NCK1: variants seen among roughly 807,000 people sequenced by gnomAD.
NCK1 encodes the protein SH2/SH3 adapter protein NCK1.
A neutral mutation model predicts 36.6 loss-of-function variants in NCK1; 19 were observed. The ratio of observed to expected loss-of-function variants is 0.52; its 90% CI spans 0.36 to 0.76. The LOEUF (loss-of-function observed/expected upper bound fraction) is 0.76, where lower values mean the gene tolerates loss of function less well. NCK1 is among the 30% of genes least tolerant of loss of function. The probability of loss-of-function intolerance (pLI) is 0.00; values close to 1 mark genes in which losing one functional copy is unlikely to be tolerated. For missense variants in NCK1, 358 were observed against 445.6 expected, an observed-to-expected ratio of 0.80 and a Z score of 1.77; for synonymous variants, 165 against 156.0, an observed-to-expected ratio of 1.06 and a Z score of -0.43.
rs962127631 is a variant in NCK1 at position 136,948,873 on chromosome 3, A to C, written c.*420A>C. The C allele has an allele frequency of 6.6e-6, 1 of 152,450 alleles. No homozygotes were observed. The highest frequency in any genetic ancestry group is 1.5e-5 in the Non-Finnish European group (1 of 67,942). The allele number at this position is 152,450 out of a possible 1,614,324, so 9.4% of individuals were successfully genotyped here. On this transcript the variant is annotated 3_prime_UTR_variant, in exon 4 of 4. Coordinates refer to ENST00000481752, the MANE Select transcript of NCK1 (RefSeq NM_001291999.2). Reference sequence around the variant, plus strand: ...ATTATATCTATATATGACATATGCTAAAATTTCTTGGAGAGTGTTAATCTT... The same window carrying C: ...ATTATATCTATATATGACATATGCTCAAATTTCTTGGAGAGTGTTAATCTT...
Position 136,948,274 on chromosome 3 carries a change from G to C in NCK1, c.955G>C (p.Val319Leu). The change falls in exon 4 of 4, where the codon GTA becomes CTA. Residue 319 changes from valine (V) to leucine (L), a missense_variant. By Grantham distance (32) the Val-to-Leu change is conservative (BLOSUM62 1). Transcript: ENST00000481752. ...DSESSPNDFS[V>L]SLKAQGKNKH... ...TCTCTTTTAGCCAAATGATTTCTCAGTATCACTAAAAGCACAAGGGAAAAA... is the reference window on the plus strand; with the variant it reads ...TCTCTTTTAGCCAAATGATTTCTCACTATCACTAAAAGCACAAGGGAAAAA... The C allele has an allele frequency of 6.3e-7, 1 of 1,593,782 alleles. No individual in the cohort carries two copies. The highest frequency in any genetic ancestry group is 8.5e-7 in the Non-Finnish European group (1 of 1,171,852).
At chr3:136,868,431 G>T (rs994656420) in intron 1 of NCK1, among the ~76,000 whole-genome samples, 3 of 151,456 alleles carry the variant, frequency 2.0e-5, no homozygotes, top group African/African-American at 7.3e-5. Context: ...AGGTTCAAGG[G>T]ATTCTCCTGC....
At chr3:136,867,405 A>ATTTTTTTTTTTTTTTTTTTTTTTTTTTTT (rs34322362) in intron 1 of NCK1, 2 of 101,590 alleles carry the variant, frequency 2.0e-5, no homozygotes, top group Non-Finnish European at 3.6e-5. Flanking sequence ...TGTCTGGCTA[A>ATTTTTTTTTTTTTTTTTTTTTTTTTTTTT]TTTTTTTTTT....
intron 2 of NCK1, among the ~76,000 whole-genome samples, chr3:136,930,766 G>A (rs751892472): frequency 1.3e-5 from 2 of 152,102 alleles, no homozygotes; most frequent in Non-Finnish European, 2.9e-5. Context: ...TTGTAGTTTC[G>A]ACTTGGTAAG....
chr3:136,909,068 C>T (rs371098026), intron 1 of NCK1, among the ~76,000 whole-genome samples: 4 of 152,160 alleles, frequency 2.6e-5, no homozygotes, highest in Non-Finnish European at 5.9e-5. Context: ...GTAGGAAGGC[C>T]TTCACCAGAT....
chr3:136,925,459 A>T (rs1030758659), intron 1 of NCK1, among the ~76,000 whole-genome samples: 1 of 152,216 alleles, frequency 6.6e-6, no homozygotes, highest in Non-Finnish European at 1.5e-5. Context: ...ATAGTACAAT[A>T]TCACAATAAT....
chr3:136,878,716 T>C (rs75608933), intron 1 of NCK1, among the ~76,000 whole-genome samples: 103,523 of 151,920 alleles, frequency 0.68, 35,589 homozygotes, highest in East Asian at 0.87. Context: ...GCTATTTTTT[T>C]TTAAGAAAGG....
chr3:136,865,941 TGG>T (rs747101307), intron 1 of NCK1, among the ~76,000 whole-genome samples: 7 of 152,218 alleles, frequency 4.6e-5, no homozygotes, highest in Non-Finnish European at 1.0e-4. Flanking sequence ...GTAACAATAT[TGG>T]CTGATTTTTG....
At chr3:136,902,198 T>TTTTTTTTTTTTTTTTTTTTTG (rs1939561830) in intron 1 of NCK1, among the ~76,000 whole-genome samples, 9 of 131,526 alleles carry the variant, frequency 6.8e-5, no homozygotes, top group East Asian at 2.3e-4. Context: ...TTTTTTTTTT[T>TTTTTTTTTTTTTTTTTTTTTG]TTTTGTTTTT....
chr3:136,942,669 C>T (rs1000651530), intron 2 of NCK1, among the ~76,000 whole-genome samples: 1 of 152,148 alleles, frequency 6.6e-6, no homozygotes, highest in African/African-American at 2.4e-5. Flanking sequence ...CCTGAATGTG[C>T]ATCCAGCCCT....
chr3:136,889,566 G>A (rs1939177429), intron 1 of NCK1, among the ~76,000 whole-genome samples: 1 of 152,058 alleles, frequency 6.6e-6, no homozygotes, highest in Non-Finnish European at 1.5e-5. Flanking sequence ...GCTGGCTCGG[G>A]CAGCCTGCTT....
intron 1 of NCK1, among the ~76,000 whole-genome samples, chr3:136,912,862 A>G (rs970674192): frequency 6.7e-5 from 6 of 89,578 alleles, no homozygotes; most frequent in Admixed American, 1.4e-4. Flanking sequence ...CTGTTTCCCA[A>G]ACTGGTCTTG....
At chr3:136,927,216 C>A (rs917104899) in intron 1 of NCK1, among the ~76,000 whole-genome samples, 2 of 152,160 alleles carry the variant, frequency 1.3e-5, no homozygotes, top group African/African-American at 2.4e-5. Flanking sequence ...AGGTGATCCA[C>A]CAGCCTCGGC....
chr3:136,890,517 A>G (rs1052541093), intron 1 of NCK1, among the ~76,000 whole-genome samples: 1 of 152,246 alleles, frequency 6.6e-6, no homozygotes, highest in Non-Finnish European at 1.5e-5. Context: ...AGGAGGTGCC[A>G]AGAGCGAGCG....
At chr3:136,944,417 C>T (rs772974121) in intron 2 of NCK1, among the ~76,000 whole-genome samples, 2 of 151,744 alleles carry the variant, frequency 1.3e-5, no homozygotes, top group Admixed American at 6.6e-5. Context: ...CGTGCCCAGC[C>T]GGGAAAGACA....
chr3:136,899,277 G>T, intron 1 of NCK1: 1 of 251,956 alleles, frequency 4.0e-6, no homozygotes, highest in Non-Finnish European at 8.2e-6. Context: ...GGCATCTGAA[G>T]AAAGATAAAT....
intron 1 of NCK1, among the ~76,000 whole-genome samples, chr3:136,873,139 G>T (rs1938675169): frequency 6.6e-6 from 1 of 152,158 alleles, no homozygotes; most frequent in African/African-American, 2.4e-5. Context: ...TGGAAAAGCT[G>T]CAGACACTCA....
intron 1 of NCK1, among the ~76,000 whole-genome samples, chr3:136,913,406 C>T (rs1939878752): frequency 6.6e-6 from 1 of 151,962 alleles, no homozygotes; most frequent in Non-Finnish European, 1.5e-5. Flanking sequence ...GGAGCTGGGA[C>T]TGCAAGTGTG....
chr3:136,945,988 T>G lies in NCK1; in HGVS notation c.632T>G (p.Phe211Cys). Residue 211 changes from phenylalanine (F) to cysteine (C), a missense_variant, in exon 3 of 4, where the codon TTC becomes TGC. Physicochemically the swap from Phe to Cys is radical, Grantham distance 205. This residue lies in a region of NCK1 where 207 missense variants were observed against 253.4 expected (regional missense o/e 0.82). Transcript: ENST00000481752. ...FSSSNDEELNFEKGDVMDVIE... is the reference protein window; with the variant it reads ...FSSSNDEELNCEKGDVMDVIE... ...TCATCTAATGATGAAGAACTTAATT[T>G]CGAGAAAGGAGATGTAATGGATGTT... 1 of 1,613,984 alleles carries G rather than the reference T, an allele frequency of 6.2e-7. No homozygotes were observed. Among genetic ancestry groups the G allele is most frequent in the South Asian group, 1.1e-5 (1 of 91,078 alleles).
Sources: gnomAD v4.1 joint callset for allele counts (sites outside exome capture counted in the v4.1 genomes callset) on GRCh38, gnomAD v4.1.1 for gene constraint, gnomAD v4.1.1 regional missense constraint, MANE v1.5 for transcripts, NCBI Gene and HGNC (gene_info 2026-07-23, HGNC 2026-07-21) for gene names.